Variants in TENM2 observed in about 807,000 individuals in gnomAD.
The protein encoded by TENM2 is teneurin-2.
In TENM2, 52 loss-of-function variants were observed where a neutral mutation model predicts 245.2. The ratio of observed to expected loss-of-function variants is 0.21; its 90% CI spans 0.17 to 0.27. The LOEUF (loss-of-function observed/expected upper bound fraction) is 0.27, where lower values mean the gene tolerates loss of function less well. Among genes scored for constraint, TENM2 ranks in the 10% least tolerant of loss-of-function variants. The pLI is 1.00. For missense variants in TENM2, 3,046 were observed against 3,666.8 expected, an observed-to-expected ratio of 0.83 and a Z score of 4.37; for synonymous variants, 1,363 against 1,438.9, an observed-to-expected ratio of 0.95 and a Z score of 1.19.
At chr5:167,178,323 T>G in the TENM2 span, among the ~76,000 whole-genome samples, 2 of 152,202 alleles carry the variant, frequency 1.3e-5, no homozygotes, top group Non-Finnish European at 2.9e-5. Context: ...TCAGGGTGTT[T>G]ATACATTTGG....
At position 167,376,106 on chromosome 5, in the gene TENM2, G is replaced by A. The variant is rs555466372; in HGVS notation, c.502+633G>A. Among the ~76,000 whole-genome samples the A allele has an allele frequency of 5.3e-4, 81 of 152,198 alleles. 1 individual carries two copies. Among genetic ancestry groups the A allele is most frequent in the African/African-American group, 1.7e-3 (70 of 41,540 alleles). On this transcript the variant is annotated intron_variant, in intron 2 of 28. Coordinates refer to ENST00000518659, the Ensembl canonical transcript of TENM2. ...CTATTGCCTATCCATCAGCTTTCTA[G>A]GTGGATTTTAATGAAACTTTGAAAA...
the TENM2 span, among the ~76,000 whole-genome samples, chr5:167,173,321 C>T: frequency 1.1e-4 from 16 of 152,280 alleles, no homozygotes; most frequent in East Asian, 5.8e-4. Flanking sequence ...CTCTGCTTTA[C>T]TACTGTCAAT....
intron 1 of TENM2, among the ~76,000 whole-genome samples, chr5:167,302,202 A>G (rs1354028403): frequency 6.6e-6 from 1 of 152,172 alleles, no homozygotes; most frequent in Non-Finnish European, 1.5e-5. Context: ...GGAAAAATGG[A>G]AAGTGCCATT....
chr5:168,063,356 C>T (rs550990664), intron 7 of TENM2, among the ~76,000 whole-genome samples: 8 of 152,090 alleles, frequency 5.3e-5, no homozygotes, highest in East Asian at 3.9e-4. Flanking sequence ...CTTAGTTTGT[C>T]GTGGTGGAAG....
chr5:167,579,553 G>A lies in TENM2; in HGVS notation c.502+204080G>A, dbSNP rs115699157. On this transcript the variant is annotated intron_variant, in intron 2 of 28. Coordinates refer to ENST00000518659, the Ensembl canonical transcript of TENM2. ...CAGTTCTTCTGACGGTTCGACAGTC[G>A]TAGCCAAGCGTTGTCCTGACTCACA... Among the ~76,000 whole-genome samples the A allele has an allele frequency of 5.4e-3, 823 of 152,292 alleles. 6 individuals carry two copies. The highest frequency in any genetic ancestry group is 0.019 in the African/African-American group (779 of 41,558).
At chr5:167,336,457 A>T (rs1215449700) in intron 1 of TENM2, among the ~76,000 whole-genome samples, 1 of 151,194 alleles carries the variant, frequency 6.6e-6, no homozygotes, top group Non-Finnish European at 1.5e-5. Flanking sequence ...GATACTGAAG[A>T]GGCTCAGTAG....
At chr5:167,856,682 G>C (rs1583198053) in intron 2 of TENM2, among the ~76,000 whole-genome samples, 1 of 152,148 alleles carries the variant, frequency 6.6e-6, no homozygotes, top group Non-Finnish European at 1.5e-5. Context: ...ATAATCTTCT[G>C]TCTCCTTTTC....
chr5:167,976,456 C>T (rs1422771730), intron 4 of TENM2, among the ~76,000 whole-genome samples: 2 of 152,278 alleles, frequency 1.3e-5, no homozygotes, highest in East Asian at 1.9e-4. Flanking sequence ...GTAATGTTTA[C>T]TCCATTTCCC....
intron 2 of TENM2, among the ~76,000 whole-genome samples, chr5:167,786,225 A>C (rs1764570570): frequency 6.6e-6 from 1 of 152,202 alleles, no homozygotes; most frequent in Admixed American, 6.5e-5. Flanking sequence ...TTACACTATT[A>C]GACAGGATTC....
At chr5:167,483,034 C>T (rs1767851285) in intron 2 of TENM2, among the ~76,000 whole-genome samples, 1 of 152,204 alleles carries the variant, frequency 6.6e-6, no homozygotes, top group Non-Finnish European at 1.5e-5. Context: ...TACAGCTATA[C>T]CACTTATGGT....
chr5:168,063,298 G>A (rs1790205400), intron 7 of TENM2, among the ~76,000 whole-genome samples: 1 of 152,180 alleles, frequency 6.6e-6, no homozygotes, highest in Non-Finnish European at 1.5e-5. Context: ...TGGAAGTGAA[G>A]AGATTGGATT....
the TENM2 span, among the ~76,000 whole-genome samples, chr5:167,173,035 C>G: frequency 6.6e-6 from 1 of 152,250 alleles, no homozygotes; most frequent in African/African-American, 2.4e-5. Flanking sequence ...ATACAAAAGG[C>G]ACCTAAAATA....
At chr5:167,098,157 C>T in the TENM2 span, among the ~76,000 whole-genome samples, 2 of 152,116 alleles carry the variant, frequency 1.3e-5, no homozygotes, top group Non-Finnish European at 2.9e-5. Flanking sequence ...TGCTCCAGTG[C>T]ATTATTTTAA....
chr5:167,302,636 G>A lies in TENM2; in HGVS notation c.226+17573G>A, dbSNP rs546254519. On this transcript the variant is annotated intron_variant, in intron 1 of 28. Transcript: ENST00000518659. ...AAGGATCAGGGTGCAGAGATAAGGG[G>A]TCAGGGCATGGAAATAAGGGACTGG... 8.6e-5 allele frequency among the ~76,000 whole-genome samples: 13 copies of A among 151,814 alleles called. No individual in the cohort carries two copies. The South Asian group carries it at 2.1e-3, about 24-fold the overall frequency.
chr5:167,425,172 C>G (rs146914318), intron 2 of TENM2, among the ~76,000 whole-genome samples: 1 of 152,236 alleles, frequency 6.6e-6, no homozygotes, highest in Non-Finnish European at 1.5e-5. Context: ...TGAGTTATTT[C>G]TAAATACCAC....
At chr5:167,494,126 A>G (rs1388281440) in intron 2 of TENM2, among the ~76,000 whole-genome samples, 3 of 152,166 alleles carry the variant, frequency 2.0e-5, no homozygotes, top group South Asian at 4.1e-4. Context: ...CTTAAGGAGT[A>G]TGTGACAGCC....
chr5:167,492,278 A>G (rs1361380607), intron 2 of TENM2, among the ~76,000 whole-genome samples: 4 of 152,140 alleles, frequency 2.6e-5, no homozygotes, highest in Non-Finnish European at 4.4e-5. Flanking sequence ...TATCATTCTC[A>G]TCATTCCTGC....
At chr5:167,014,356 C>T in the TENM2 span, among the ~76,000 whole-genome samples, 4 of 152,044 alleles carry the variant, frequency 2.6e-5, no homozygotes, top group Non-Finnish European at 4.4e-5. Flanking sequence ...ACAAACAAAA[C>T]AAAAGCAAGT....
chr5:167,861,670 C>G (rs577102329), intron 2 of TENM2, among the ~76,000 whole-genome samples: 1 of 152,272 alleles, frequency 6.6e-6, no homozygotes, highest in South Asian at 2.1e-4. Flanking sequence ...TCCTTTCCAG[C>G]TCAACACTGT....
Sources: gnomAD v4.1 joint callset for allele counts (sites outside exome capture counted in the v4.1 genomes callset) on GRCh38, gnomAD v4.1.1 for gene constraint, MANE v1.5 for transcripts, NCBI Gene and HGNC (gene_info 2026-07-23, HGNC 2026-07-21) for gene names.